Variants in PCDHGA9 observed in about 807,000 individuals in gnomAD.
The protein encoded by PCDHGA9 is protocadherin gamma subfamily A, 9, also known as protocadherin gamma-A9.
In PCDHGA9, 37 loss-of-function variants were observed where a neutral mutation model predicts 62.5. That is an observed-to-expected ratio of 0.59 (90% CI 0.46 to 0.78). The LOEUF (loss-of-function observed/expected upper bound fraction) is 0.78. Ranked by LOEUF, PCDHGA9 falls within the 30% of genes least tolerant of loss-of-function variation. The pLI is 0.00. For missense variants in PCDHGA9, 1,138 were observed against 1,166.2 expected (o/e 0.98, Z 0.35); for synonymous variants, 459 against 484.6 (o/e 0.95, Z 0.69).
At chr5:141,475,979 C>A in intron 1 of PCDHGA9, 1 of 1,020,182 alleles carries the variant, frequency 9.8e-7, no homozygotes, top group Non-Finnish European at 1.4e-6. Flanking sequence ...GACTGAACAG[C>A]CGGCGAGCAA....
In PCDHGA9 at chr5:141,485,956, C is replaced by T. The variant is rs1430530851; in HGVS notation, c.2425-8851C>T. 1 of 1,614,150 alleles carries T rather than the reference C, an allele frequency of 6.2e-7. No individual in the cohort carries two copies. Among genetic ancestry groups the T allele is most frequent in the South Asian group, 1.1e-5 (1 of 91,074 alleles). ...AGAGCGCACCAGCGGGCATGGTGCT[C>T]ATCCAGCTCAATGCCTCAGACCCGG... On this transcript the variant is annotated intron_variant, in intron 1 of 3. Coordinates refer to ENST00000573521, the MANE Select transcript of PCDHGA9 (RefSeq NM_018921.3). This position sits in a 1 kb window ranked among gnomAD's most constrained non-coding sequence, Gnocchi z 5.7.
intron 2 of PCDHGA9, among the ~76,000 whole-genome samples, chr5:141,498,994 AAGGAAGGAAGG>A (rs2099788184): frequency 2.0e-5 from 3 of 148,560 alleles, no homozygotes; most frequent in Non-Finnish European, 4.5e-5. Flanking sequence ...GGAAGGAAGG[AAGGAAGGAAGG>A]AAGGAAGGAA....
rs567684479 is a variant in PCDHGA9 at position 141,432,875 on chromosome 5, G to T, written c.2424+27499G>T. The T allele has an allele frequency of 6.2e-7, 1 of 1,614,178 alleles. No individual in the cohort carries two copies. Among genetic ancestry groups the T allele is most frequent in the South Asian group, 1.1e-5 (1 of 91,084 alleles). ...GGCCGCGGTCTCCTGCGTCTTCCTG[G>T]CCTTCGTCATCTTGCTGCTGGCGCT... On this transcript the variant is annotated intron_variant, in intron 1 of 3. Coordinates refer to ENST00000573521, the MANE Select transcript of PCDHGA9 (RefSeq NM_018921.3). This position sits in a 1 kb window ranked among gnomAD's most constrained non-coding sequence, Gnocchi z 6.0.
At chr5:141,410,508 G>C in intron 1 of PCDHGA9, 2 of 1,613,968 alleles carry the variant, frequency 1.2e-6, no homozygotes, top group Non-Finnish European at 8.5e-7. Flanking sequence ...TTCCTAAAAT[G>C]CAGTGTGCCC....
intron 1 of PCDHGA9, chr5:141,410,784 G>T (rs1352997810): frequency 1.2e-6 from 1 of 817,034 alleles, no homozygotes; most frequent in Non-Finnish European, 1.7e-6. Context: ...CTATGTATTT[G>T]GTTCATAAGT....
At chr5:141,460,981 GTGTATATA>G (rs1342006423) in intron 1 of PCDHGA9, among the ~76,000 whole-genome samples, 30 of 121,890 alleles carry the variant, frequency 2.5e-4, no homozygotes, top group African/African-American at 5.8e-4. Flanking sequence ...GTGTGTGTGT[GTGTATATA>G]TATATATGTG....
chr5:141,424,538 A>G (rs547426760), intron 1 of PCDHGA9: 37 of 152,340 alleles, frequency 2.4e-4, no homozygotes, highest in African/African-American at 8.9e-4. Context: ...TATAGAAATA[A>G]CTTGATTTTG....
intron 2 of PCDHGA9, among the ~76,000 whole-genome samples, chr5:141,503,800 C>T (rs756250566): frequency 1.3e-5 from 2 of 151,994 alleles, no homozygotes; most frequent in South Asian, 2.1e-4. Flanking sequence ...TACTTAGGGA[C>T]GGGGAATCCC....
In PCDHGA9 at chr5:141,403,284, A is replaced by C; in HGVS notation, c.332A>C (p.Glu111Ala). Residue 111 changes from glutamate (E) to alanine (A), a missense_variant, in exon 1 of 4, where the codon GAA (glutamate) becomes GCA (alanine). Coordinates refer to ENST00000573521, the MANE Select transcript of PCDHGA9 (RefSeq NM_018921.3). Reference protein sequence around the residue: ...RCLVNFKVLVEDRVKLYGIEI... With the variant: ...RCLVNFKVLVADRVKLYGIEI... ...CTGGTGAACTTTAAAGTCCTGGTTG[A>C]AGACAGAGTGAAACTGTACGGAATA... The C allele has an allele frequency of 6.2e-7, 1 of 1,613,912 alleles. No homozygotes were observed.
intron 1 of PCDHGA9, among the ~76,000 whole-genome samples, chr5:141,465,263 T>C (rs538393085): frequency 1.3e-5 from 2 of 152,326 alleles, no homozygotes; most frequent in African/African-American, 4.8e-5. Flanking sequence ...GCAATGATAC[T>C]AGCCATTTAG....
In PCDHGA9 at chr5:141,404,040, G is replaced by C. The variant is rs1373988780; in HGVS notation, c.1088G>C (p.Gly363Ala). Residue 363 changes from glycine (G) to alanine (A), a missense_variant, in exon 1 of 4, where the codon GGA (glycine) becomes GCA (alanine). Transcript: ENST00000573521. ...FSPVREDAPQ[G>A]TVILLFNAHD... ...CCAGTGAGAGAAGACGCACCTCAGG[G>C]AACAGTAATTCTTCTTTTCAATGCT... The C allele has an allele frequency of 6.2e-7, 1 of 1,613,692 alleles. No homozygotes were observed. The highest frequency in any genetic ancestry group is 8.5e-7 in the Non-Finnish European group (1 of 1,179,836).
In PCDHGA9 at chr5:141,438,615, TATATATATATATATATATATACAC is replaced by T. The variant is rs1230398483; in HGVS notation, c.2424+33241_2424+33264del. ...ACATATATATATATATATATATATA[TATATATATATATATATATATACAC>T]ACACACACACACATATATGTATATA... is the stretch of plus-strand genomic sequence containing the variant. On this transcript the variant is annotated intron_variant, in intron 1 of 3. Transcript: ENST00000573521. Among the ~76,000 whole-genome samples the T allele has an allele frequency of 3.0e-3, 107 of 35,910 alleles. 2 individuals carry two copies. The highest frequency in any genetic ancestry group is 7.9e-3 in the African/African-American group (39 of 4,916). The allele number at this position is 35,910 out of a possible 152,430, so 23.6% of individuals were successfully genotyped here. A position where few individuals can be genotyped will look rare whatever the true frequency, so the allele number is the denominator to read the frequency against.
At chr5:141,415,056 G>C in intron 1 of PCDHGA9, 2 of 1,613,416 alleles carry the variant, frequency 1.2e-6, no homozygotes, top group Non-Finnish European at 1.7e-6. Flanking sequence ...GGGAGCACAC[G>C]GGCGAGGTGC....
chr5:141,497,003 A>C (rs928317358), intron 2 of PCDHGA9, among the ~76,000 whole-genome samples: 2 of 152,148 alleles, frequency 1.3e-5, no homozygotes, highest in African/African-American at 4.8e-5. Context: ...CTGGCAGCCA[A>C]CATGGTGAAA....
intron 1 of PCDHGA9, among the ~76,000 whole-genome samples, chr5:141,459,757 G>T (rs1360124889): frequency 6.6e-6 from 1 of 152,162 alleles, no homozygotes; most frequent in Admixed American, 6.6e-5. Flanking sequence ...ATTCTAGTGG[G>T]TGTGTGATAC....
intron 1 of PCDHGA9, among the ~76,000 whole-genome samples, chr5:141,448,796 T>G (rs1268643310): frequency 1.0e-4 from 15 of 150,106 alleles, no homozygotes; most frequent in Admixed American, 4.0e-4. Context: ...AAAAAAAAAA[T>G]TAGCCAGGCG....
At chr5:141,453,451 T>C (rs1052905667) in intron 1 of PCDHGA9, among the ~76,000 whole-genome samples, 1 of 152,096 alleles carries the variant, frequency 6.6e-6, no homozygotes, top group Non-Finnish European at 1.5e-5. Flanking sequence ...TTTTTGAATA[T>C]GTAAAACATT....
intron 1 of PCDHGA9, among the ~76,000 whole-genome samples, chr5:141,450,782 C>T (rs1012152203): frequency 2.0e-5 from 3 of 151,350 alleles, no homozygotes; most frequent in East Asian, 1.9e-4. Flanking sequence ...CCACCGTGCC[C>T]GGACCTCATG....
chr5:141,471,196 C>T (rs59385734), intron 1 of PCDHGA9: 16,293 of 151,632 alleles, frequency 0.11, 894 homozygotes, highest in South Asian at 0.15. Context: ...ATTACAGGCA[C>T]CCACCCCCAT....
Sources: gnomAD v4.1 joint callset for allele counts (sites outside exome capture counted in the v4.1 genomes callset) on GRCh38, gnomAD v4.1.1 for gene constraint, Gnocchi (gnomAD v3.1) non-coding constraint, MANE v1.5 for transcripts, NCBI Gene and HGNC (gene_info 2026-07-23, HGNC 2026-07-21) for gene names.